COPG2: variants seen among roughly 807,000 people sequenced by gnomAD.
COPG2 encodes coat protein complex I subunit gamma 2, also known as coatomer subunit gamma-2.
Under a neutral mutation model 46.3 loss-of-function variants are expected in COPG2, and 37 were observed. The observed-to-expected ratio is 0.80, with a 90% CI of 0.61 to 1.05. The LOEUF (loss-of-function observed/expected upper bound fraction) is 1.05, where lower values mean the gene tolerates loss of function less well. Ranked by LOEUF, COPG2 falls within the 50% of genes least tolerant of loss-of-function variation. The probability of loss-of-function intolerance (pLI) is 0.00; values close to 1 mark genes in which losing one functional copy is unlikely to be tolerated. For missense variants in COPG2, 427 were observed against 387.8 expected (o/e 1.10, Z -0.85); for synonymous variants, 159 against 129.7 (o/e 1.23, Z -1.53).
At position 130,667,552 on chromosome 7, in the gene COPG2, C is replaced by CA. The variant is rs782127185; in HGVS notation, c.38-19dup. Reference sequence around the variant, plus strand: ...GCCACTACCTATTTATAAAACAAAACAAAAAAATGTCCTGAACAGCTGTTC... The same window carrying CA: ...GCCACTACCTATTTATAAAACAAAACAAAAAAAATGTCCTGAACAGCTGTTC... On this transcript the variant is annotated intron_variant, in intron 1 of 23. Transcript: ENST00000425248. The CA allele has an allele frequency of 1.6e-5, 25 of 1,606,000 alleles. No individual in the cohort carries two copies. The East Asian group carries it at 3.8e-4, about 24-fold the overall frequency.
At chr7:130,511,431 A>T (rs1458670554) in intron 20 of COPG2, 1 of 519,978 alleles carries the variant, frequency 1.9e-6, no homozygotes, top group Non-Finnish European at 3.8e-6. Context: ...TGAGTGCCAA[A>T]ATAAGCAATA....
chr7:130,668,362 A>AG (rs1554461796), intron 1 of COPG2, among the ~76,000 whole-genome samples: 1 of 148,858 alleles, frequency 6.7e-6, no homozygotes, highest in African/African-American at 2.5e-5. Flanking sequence ...GGCGGCTCGG[A>AG]GGGGCTGCGC....
At position 130,506,267 on chromosome 7, in the gene COPG2, A is replaced by G. The variant is rs1261038880; in HGVS notation, c.*409T>C. On this transcript the variant is annotated 3_prime_UTR_variant, in exon 24 of 24. Coordinates refer to ENST00000425248, the MANE Select transcript of COPG2 (RefSeq NM_012133.6). ...AAACTGGAATAAGTGTTTATTTTCT[A>G]TTAATAAAAATGAATTGTGACAAAA... 1 of 152,132 alleles carries G rather than the reference A, an allele frequency of 6.6e-6. No homozygotes were observed. The highest frequency in any genetic ancestry group is 2.4e-5 in the African/African-American group (1 of 41,396). 9.4% of individuals were successfully genotyped at this position (152,132 alleles called of 1,614,324 possible).
At chr7:130,595,401 T>C (rs1554449576) in intron 9 of COPG2, among the ~76,000 whole-genome samples, 1 of 152,150 alleles carries the variant, frequency 6.6e-6, no homozygotes, top group African/African-American at 2.4e-5. Flanking sequence ...GGTGCTTTCT[T>C]TGTGAGGTGA....
chr7:130,609,770 T>G (rs1007313642), intron 9 of COPG2, among the ~76,000 whole-genome samples: 2 of 152,222 alleles, frequency 1.3e-5, no homozygotes, highest in Admixed American at 6.5e-5. Context: ...TTTTTTCCAC[T>G]GTGTCCAATC....
chr7:130,555,698 G>C (rs984330639), intron 12 of COPG2, among the ~76,000 whole-genome samples: 1 of 152,056 alleles, frequency 6.6e-6, no homozygotes, highest in Non-Finnish European at 1.5e-5. Context: ...GTGTGGTGGC[G>C]TGGGCCTGCA....
intron 11 of COPG2, 103 bp downstream of exon 11, chr7:130,563,166 T>C: frequency 2.6e-6 from 1 of 386,864 alleles, no homozygotes; most frequent in Non-Finnish European, 4.6e-6. Flanking sequence ...GTGAAGCCCA[T>C]AAATCACATA....
chr7:130,591,852 G>A (rs1273858819), intron 9 of COPG2, among the ~76,000 whole-genome samples: 5 of 151,898 alleles, frequency 3.3e-5, no homozygotes, highest in African/African-American at 1.2e-4. Flanking sequence ...CACCCCTACT[G>A]GGAAGTGAGG....
chr7:130,605,892 T>A, intron 9 of COPG2: 1 of 397,380 alleles, frequency 2.5e-6, no homozygotes, highest in South Asian at 1.9e-5. Context: ...ATGGCAACAA[T>A]AAAAAAAACT....
At chr7:130,620,504 T>C (rs1346949799) in intron 5 of COPG2, among the ~76,000 whole-genome samples, 6 of 152,232 alleles carry the variant, frequency 3.9e-5, no homozygotes, top group African/African-American at 1.2e-4. Flanking sequence ...GTTTACCTGA[T>C]TAAATTTAAA....
chr7:130,618,642 G>A (rs1794989065), intron 5 of COPG2, among the ~76,000 whole-genome samples: 1 of 151,954 alleles, frequency 6.6e-6, no homozygotes, highest in Non-Finnish European at 1.5e-5. Context: ...TAAAGGTAAG[G>A]TTTTCATAAG....
At chr7:130,583,682 G>C (rs1310024003) in intron 9 of COPG2, among the ~76,000 whole-genome samples, 1 of 150,152 alleles carries the variant, frequency 6.7e-6, no homozygotes, top group African/African-American at 2.4e-5. Context: ...GCGCATGCCT[G>C]TAGTCCCAGC....
At chr7:130,619,664 C>T (rs1285354660) in intron 5 of COPG2, among the ~76,000 whole-genome samples, 1 of 152,150 alleles carries the variant, frequency 6.6e-6, no homozygotes, top group Non-Finnish European at 1.5e-5. Flanking sequence ...TGTAGCCCCT[C>T]TATTACAGAA....
intron 9 of COPG2, among the ~76,000 whole-genome samples, chr7:130,582,188 C>T (rs1433782869): frequency 1.8e-3 from 256 of 146,234 alleles, no homozygotes; most frequent in African/African-American, 5.6e-3. Flanking sequence ...TCAGAAATAA[C>T]GCCGCATATC....
chr7:130,610,171 T>A (rs1794817751), intron 9 of COPG2: 1 of 499,454 alleles, frequency 2.0e-6, no homozygotes, highest in African/African-American at 2.0e-5. Flanking sequence ...TAGACACTGA[T>A]GTAACTAATA....
chr7:130,625,814 A>G (rs1272494626), intron 5 of COPG2, among the ~76,000 whole-genome samples: 1 of 151,870 alleles, frequency 6.6e-6, no homozygotes, highest in Non-Finnish European at 1.5e-5. Flanking sequence ...TTCCTATCAT[A>G]TGCTTTCTTT....
chr7:130,563,466 T>C (rs1793750650), intron 10 of COPG2, 130 bp from the exon 11 acceptor site: 1 of 376,404 alleles, frequency 2.7e-6, no homozygotes, highest in African/African-American at 2.1e-5. Flanking sequence ...ACAGTGACTA[T>C]TACCTATATA....
At chr7:130,590,557 G>A (rs1204737786) in intron 9 of COPG2, among the ~76,000 whole-genome samples, 57 of 152,174 alleles carry the variant, frequency 3.7e-4, no homozygotes, top group Non-Finnish European at 6.6e-4. Flanking sequence ...TTCACTCAGT[G>A]CTCAATGGTG....
intron 20 of COPG2, among the ~76,000 whole-genome samples, chr7:130,528,216 T>G (rs1799792015): frequency 1.3e-5 from 2 of 151,162 alleles, no homozygotes; most frequent in South Asian, 2.1e-4. Flanking sequence ...GCAGGTGGAG[T>G]GGGGACAGCA....
Sources: allele counts gnomAD v4.1 joint callset (sites outside exome capture counted in the v4.1 genomes callset), GRCh38; gene constraint gnomAD v4.1.1; transcripts MANE v1.5; gene names NCBI Gene and HGNC (gene_info 2026-07-23, HGNC 2026-07-21).